The following KLF8 variants were observed in gnomAD, a reference collection of about 807,000 sequenced individuals.
The protein encoded by KLF8 is KLF transcription factor 8.
Under a neutral mutation model 18.2 loss-of-function variants are expected in KLF8, and 10 were observed. The observed-to-expected ratio is 0.55, with a 90% CI of 0.34 to 0.93. KLF8 has a LOEUF of 0.93. KLF8 is among the 40% of genes least tolerant of loss of function. The pLI, the probability that KLF8 is intolerant of heterozygous loss-of-function variation, is 0.02. For missense variants in KLF8, 264 were observed against 277.9 expected, an observed-to-expected ratio of 0.95 and a Z score of 0.36; for synonymous variants, 109 against 97.3, an observed-to-expected ratio of 1.12 and a Z score of -0.71.
At chrX:56,277,720 T>G (rs2147686161) in intron 5 of KLF8, among the ~76,000 whole-genome samples, 1 of 112,724 alleles carries the variant, frequency 8.9e-6, no homozygotes, top group Non-Finnish European at 1.9e-5. Flanking sequence ...CAAGCCGTAC[T>G]TATGTCTTTT....
chrX:55,939,437 A>G, the KLF8 span, among the ~76,000 whole-genome samples: 1 of 111,898 alleles, frequency 8.9e-6, no homozygotes, highest in African/African-American at 3.3e-5. Flanking sequence ...AAGATCTAAA[A>G]TTGACACCCT....
At chrX:55,995,124 TG>T in the KLF8 span, among the ~76,000 whole-genome samples, 1 of 112,311 alleles carries the variant, frequency 8.9e-6, no homozygotes, top group Non-Finnish European at 1.9e-5. Context: ...AGTTAGGTCT[TG>T]TTGAATGGAA....
chrX:56,049,659 T>C, the KLF8 span, among the ~76,000 whole-genome samples: 2 of 103,032 alleles, frequency 1.9e-5, no homozygotes, highest in Non-Finnish European at 3.9e-5. Context: ...TGCTGCTGGA[T>C]TCGGTTTGCC....
chrX:56,289,006 A>G lies in KLF8; in HGVS notation c.*4512A>G, dbSNP rs1266996523. On this transcript the variant is annotated 3_prime_UTR_variant, in exon 6 of 6. Transcript: ENST00000468660. Reference sequence around the variant, plus strand: ...GCCCATGCTTCTGGAGTGGTAAGTTATATGCCACACCCTTCAGAGCATGTA... The same window carrying G: ...GCCCATGCTTCTGGAGTGGTAAGTTGTATGCCACACCCTTCAGAGCATGTA... Among the ~76,000 whole-genome samples, 1 of 112,021 alleles carries G rather than the reference A, an allele frequency of 8.9e-6. No individual in the cohort carries two copies. Among genetic ancestry groups the G allele is most frequent in the East Asian group, 2.8e-4 (1 of 3,589 alleles).
the KLF8 span, among the ~76,000 whole-genome samples, chrX:56,082,297 A>G: frequency 1.8e-5 from 2 of 111,274 alleles, no homozygotes; most frequent in Non-Finnish European, 3.8e-5. Context: ...AAAATTGCTA[A>G]TTATATCTCA....
At chrX:56,205,898 C>T in the KLF8 span, among the ~76,000 whole-genome samples, 1 of 111,609 alleles carries the variant, frequency 9.0e-6, no homozygotes, top group South Asian at 3.8e-4. Context: ...CTAATAAAGA[C>T]ATACCCAAGA....
At chrX:56,251,622 C>G (rs1170091347) in intron 2 of KLF8, among the ~76,000 whole-genome samples, 1 of 109,783 alleles carries the variant, frequency 9.1e-6, no homozygotes, top group Non-Finnish European at 1.9e-5. Context: ...ACCACCATGC[C>G]CGGCTAATTT....
the KLF8 span, among the ~76,000 whole-genome samples, chrX:55,942,715 G>T: frequency 9.0e-6 from 1 of 111,159 alleles, no homozygotes; most frequent in Non-Finnish European, 1.9e-5. Flanking sequence ...CTGGTTCCTA[G>T]GATAATGGAA....
chrX:56,262,641 G>A (rs964173537), intron 2 of KLF8, among the ~76,000 whole-genome samples: 2 of 111,022 alleles, frequency 1.8e-5, no homozygotes, highest in Non-Finnish European at 3.8e-5. Context: ...TACAGAAAAT[G>A]ATATTACAGT....
At chrX:56,188,693 T>C in the KLF8 span, among the ~76,000 whole-genome samples, 2 of 111,210 alleles carry the variant, frequency 1.8e-5, no homozygotes, top group African/African-American at 3.3e-5. Context: ...TGAAACAGAA[T>C]AGAGCCCTCA....
chrX:55,990,947 A>T, the KLF8 span, among the ~76,000 whole-genome samples: 1 of 112,546 alleles, frequency 8.9e-6, no homozygotes, highest in Non-Finnish European at 1.9e-5. Flanking sequence ...CTTGTGGGTC[A>T]GGGACCCACT....
the KLF8 span, among the ~76,000 whole-genome samples, chrX:56,165,008 T>A: frequency 1.1e-5 from 1 of 91,388 alleles, no homozygotes; most frequent in Non-Finnish European, 2.1e-5. Flanking sequence ...CGGTGTTTGG[T>A]TTTTTGTTCT....
the KLF8 span, among the ~76,000 whole-genome samples, chrX:56,223,910 T>C: frequency 9.0e-6 from 1 of 111,456 alleles, no homozygotes; most frequent in African/African-American, 3.3e-5. Context: ...AGTTTTTATC[T>C]TACACCTGTT....
At chrX:56,004,862 G>A in the KLF8 span, among the ~76,000 whole-genome samples, 1 of 110,897 alleles carries the variant, frequency 9.0e-6, no homozygotes, top group Non-Finnish European at 1.9e-5. Context: ...CAAAGCATTT[G>A]TGGTATGACT....
At chrX:55,962,865 A>C in the KLF8 span, among the ~76,000 whole-genome samples, 1 of 112,678 alleles carries the variant, frequency 8.9e-6, no homozygotes, top group Non-Finnish European at 1.9e-5. Flanking sequence ...GAGAAATAGC[A>C]CACATTGGAA....
the KLF8 span, among the ~76,000 whole-genome samples, chrX:56,069,359 G>T: frequency 9.0e-6 from 1 of 111,527 alleles, no homozygotes; most frequent in Non-Finnish European, 1.9e-5. Context: ...CTCGGTTAGA[G>T]GGTGCAGCTT....
chrX:56,153,228 G>T, the KLF8 span, among the ~76,000 whole-genome samples: 2 of 110,514 alleles, frequency 1.8e-5, no homozygotes, highest in East Asian at 5.7e-4. Flanking sequence ...GGGCATGGAG[G>T]TGCATGCCTA....
At chrX:56,190,289 G>A in the KLF8 span, among the ~76,000 whole-genome samples, 1 of 110,645 alleles carries the variant, frequency 9.0e-6, no homozygotes, top group African/African-American at 3.3e-5. Context: ...TATAACAATT[G>A]TAAATATATG....
At chrX:56,188,088 C>T in the KLF8 span, among the ~76,000 whole-genome samples, 3 of 110,992 alleles carry the variant, frequency 2.7e-5, no homozygotes, top group South Asian at 3.8e-4. Flanking sequence ...CAAATTGTCC[C>T]TGTTTGCAGA....
Sources: allele counts gnomAD v4.1 joint callset (sites outside exome capture counted in the v4.1 genomes callset), GRCh38; gene constraint gnomAD v4.1.1; transcripts MANE v1.5; gene names NCBI Gene and HGNC (gene_info 2026-07-23, HGNC 2026-07-21).